The following DROSHA variants were observed in gnomAD, a reference collection of about 807,000 sequenced individuals.
DROSHA encodes the protein drosha ribonuclease III.
In DROSHA, 56 loss-of-function variants were observed where a neutral mutation model predicts 181.9. The observed-to-expected ratio is 0.31, with a 90% CI of 0.25 to 0.38. The LOEUF (loss-of-function observed/expected upper bound fraction) is 0.38, where lower values mean the gene tolerates loss of function less well. Among genes scored for constraint, DROSHA ranks in the 10% least tolerant of loss-of-function variants. The pLI is 1.00. For missense variants in DROSHA, 1,218 were observed against 1,743.5 expected (o/e 0.70, Z 5.37); for synonymous variants, 524 against 591.2 (o/e 0.89, Z 1.65).
At chr5:31,431,326 A>G (rs931045464) in intron 26 of DROSHA, among the ~76,000 whole-genome samples, 2 of 144,456 alleles carry the variant, frequency 1.4e-5, no homozygotes, top group African/African-American at 5.1e-5. Flanking sequence ...AACCATCTAC[A>G]TGACATCAGA....
intron 30 of DROSHA, 118 bp downstream of exon 30, chr5:31,421,154 A>G: frequency 3.8e-6 from 3 of 780,640 alleles, no homozygotes; most frequent in Non-Finnish European, 6.2e-6. Context: ...AACAAAGCCA[A>G]TGATAAGCTA....
At chr5:31,460,276 A>G (rs1269290269) in intron 20 of DROSHA, among the ~76,000 whole-genome samples, 2 of 152,222 alleles carry the variant, frequency 1.3e-5, no homozygotes, top group African/African-American at 4.8e-5. Context: ...CAATTTATCT[A>G]CAAACATAGT....
intron 35 of DROSHA, among the ~76,000 whole-genome samples, chr5:31,405,417 C>T (rs1033387700): frequency 1.3e-5 from 2 of 151,510 alleles, no homozygotes; most frequent in African/African-American, 4.8e-5. Context: ...GCAGTTCACA[C>T]AGGTCACCCG....
At chr5:31,401,899 A>G (rs1336636568) in intron 35 of DROSHA, among the ~76,000 whole-genome samples, 1 of 152,214 alleles carries the variant, frequency 6.6e-6, no homozygotes, top group Non-Finnish European at 1.5e-5. Context: ...TCTCCTAGCA[A>G]CAGGTGACTT....
intron 23 of DROSHA, among the ~76,000 whole-genome samples, chr5:31,440,853 A>C (rs1745501685): frequency 6.6e-6 from 1 of 152,172 alleles, no homozygotes; most frequent in South Asian, 2.1e-4. Context: ...AGGCGATTTC[A>C]AGGCCATCTT....
rs561228817 is a variant in DROSHA, at chr5:31,432,413, T to C, written c.3043-735A>G. Among the ~76,000 whole-genome samples, 3 of 152,298 alleles carry C rather than the reference T, an allele frequency of 2.0e-5. No individual in the cohort carries two copies. In the South Asian group the frequency reaches 6.2e-4, roughly 32 times the overall value. ...TCCCAAAGTGCTGGGATTACAGGTG[T>C]GAGCCACCACGCCTGGCCCAAAATA... On this transcript the variant is annotated intron_variant, in intron 25 of 35. Coordinates refer to ENST00000344624, the MANE Select transcript of DROSHA (RefSeq NM_001382508.1).
intron 18 of DROSHA, chr5:31,467,060 C>T (rs1443147603): frequency 6.6e-6 from 1 of 151,086 alleles, no homozygotes; most frequent in Non-Finnish European, 1.5e-5. Context: ...CTGTTCCTTT[C>T]TTGGCCTTAG....
chr5:31,454,192 A>T (rs1747371805), intron 20 of DROSHA, among the ~76,000 whole-genome samples: 1 of 152,212 alleles, frequency 6.6e-6, no homozygotes, highest in Admixed American at 6.5e-5. Flanking sequence ...GCTCTGCCGA[A>T]TCTAATTCAC....
chr5:31,439,025 G>C (rs1745222562), intron 23 of DROSHA, among the ~76,000 whole-genome samples: 1 of 152,152 alleles, frequency 6.6e-6, no homozygotes, highest in Admixed American at 6.5e-5. Flanking sequence ...CACTAATTCA[G>C]TCCTGTGAAG....
chr5:31,472,309 G>A, intron 16 of DROSHA, 77 bp from the exon 17 acceptor site: 8 of 1,442,452 alleles, frequency 5.5e-6, no homozygotes, highest in Admixed American at 5.0e-5. Flanking sequence ...ACTGAATAAG[G>A]AAAAAAACAA....
intron 34 of DROSHA, 91 bp from the exon 35 acceptor site, chr5:31,405,814 C>T (rs201864568): frequency 2.9e-6 from 3 of 1,038,572 alleles, no homozygotes; most frequent in African/African-American, 4.2e-5. Flanking sequence ...GGTATGGCTA[C>T]AAATCTTTCA....
chr5:31,477,567 C>A (rs2150032515), intron 16 of DROSHA, among the ~76,000 whole-genome samples: 1 of 152,342 alleles, frequency 6.6e-6, no homozygotes. Context: ...TGGCCCCCTG[C>A]CAGCCACACC....
At chr5:31,515,255 A>T (rs191295035) in intron 7 of DROSHA, 36 bp from the exon 8 acceptor site, 2 of 1,574,018 alleles carry the variant, frequency 1.3e-6, no homozygotes, top group Admixed American at 2.0e-5. Context: ...ATTATTAAAA[A>T]TACTCTTCCA....
intron 23 of DROSHA, 49 bp from the exon 24 acceptor site, chr5:31,437,347 C>CGGGGGGGGGGGGGGGGGGGGGG: frequency 1.4e-6 from 2 of 1,480,586 alleles, no homozygotes; most frequent in East Asian, 2.5e-5. Context: ...TTAACACTCC[C>CGGGGGGGGGGGGGGGGGGGGGG]CCCCACCCAC....
Position 31,515,507 on chromosome 5 carries a change from C to A in DROSHA, c.1005G>T (p.Gly335=), listed in dbSNP as rs969715672. 1.3e-6 allele frequency: 2 copies of A among 1,509,428 alleles called. No individual in the cohort carries two copies. The highest frequency in any genetic ancestry group is 2.8e-5 in the African/African-American group (2 of 72,464). 93.5% of individuals were successfully genotyped at this position (1,509,428 alleles called of 1,614,324 possible). A position where few individuals can be genotyped will look rare whatever the true frequency, so the allele number is the denominator to read the frequency against. The change falls in exon 7 of 36, where the codon GGG becomes GGT. Residue 335 remains glycine (G), a synonymous_variant. Coordinates refer to ENST00000344624, the MANE Select transcript of DROSHA (RefSeq NM_001382508.1). ...EPAGCTPELP[G]EIIKNTDSWA... ...AAGAATCTGTATTTTTAATAATCTC[C>A]CCAGGTAATTCTGGTGTGCATCCAG...
intron 30 of DROSHA, among the ~76,000 whole-genome samples, chr5:31,416,203 C>T (rs538634242): frequency 6.6e-5 from 10 of 152,300 alleles, no homozygotes; most frequent in South Asian, 6.2e-4. Flanking sequence ...CATCCCCCAA[C>T]CAATGCAACT....
intron 6 of DROSHA, among the ~76,000 whole-genome samples, chr5:31,516,348 T>G (rs185058761): frequency 6.6e-6 from 1 of 152,202 alleles, no homozygotes; most frequent in Admixed American, 6.5e-5. Context: ...TCCAGCTAAG[T>G]AGAAAAACTG....
intron 8 of DROSHA, among the ~76,000 whole-genome samples, chr5:31,513,528 C>T (rs1272277029): frequency 6.6e-6 from 1 of 152,156 alleles, no homozygotes. Flanking sequence ...AGTATGTGAG[C>T]TTTCCCTTCC....
chr5:31,450,255 A>G (rs1295233607), intron 21 of DROSHA, among the ~76,000 whole-genome samples: 2 of 152,232 alleles, frequency 1.3e-5, no homozygotes, highest in Admixed American at 1.3e-4. Flanking sequence ...TATAACCTCT[A>G]GGAAAAACAG....
Sources: allele counts gnomAD v4.1 joint callset (sites outside exome capture counted in the v4.1 genomes callset), GRCh38; gene constraint gnomAD v4.1.1; transcripts MANE v1.5; gene names NCBI Gene and HGNC (gene_info 2026-07-23, HGNC 2026-07-21).